The following AAK1 variants were observed in gnomAD, a reference collection of about 807,000 sequenced individuals.
The protein encoded by AAK1 is AP2 associated kinase 1, also known as AP2-associated protein kinase 1.
A neutral mutation model predicts 116.0 loss-of-function variants in AAK1; 37 were observed. The observed-to-expected ratio is 0.32, with a 90% CI of 0.25 to 0.42. The LOEUF (loss-of-function observed/expected upper bound fraction) is 0.42, where lower values mean the gene tolerates loss of function less well. Ranked by LOEUF, AAK1 falls within the 10% of genes least tolerant of loss-of-function variation. The pLI, the probability that AAK1 is intolerant of heterozygous loss-of-function variation, is 1.00. For synonymous variants in AAK1, 458 were observed against 439.9 expected, an observed-to-expected ratio of 1.04 and a Z score of -0.51; for missense variants, 919 against 1,170.6, an observed-to-expected ratio of 0.79 and a Z score of 3.14.
chr2:69,482,872 G>T, intron 17 of AAK1, 60 bp from the exon 18 acceptor site: 2 of 1,030,972 alleles, frequency 1.9e-6, no homozygotes, highest in Non-Finnish European at 3.0e-6. Flanking sequence ...AAAGCCAGCG[G>T]ATCATTCACT....
intron 2 of AAK1, among the ~76,000 whole-genome samples, chr2:69,571,333 G>A (rs1227844362): frequency 2.0e-5 from 3 of 152,172 alleles, no homozygotes; most frequent in Admixed American, 2.0e-4. Context: ...CTAGGCTGAT[G>A]GCTGCTACTG....
chr2:69,640,053 A>ACTCTCTCTCTCTCTCTCTCTCTCT (rs1177010194), intron 2 of AAK1, among the ~76,000 whole-genome samples: 2 of 92,738 alleles, frequency 2.2e-5, no homozygotes, highest in Admixed American at 1.0e-4. Flanking sequence ...ACACACACAC[A>ACTCTCTCTCTCTCTCTCTCTCTCT]CTCTCTCTCT....
chr2:69,502,605 G>A (rs557034057), intron 16 of AAK1, among the ~76,000 whole-genome samples: 1 of 152,146 alleles, frequency 6.6e-6, no homozygotes, highest in Non-Finnish European at 1.5e-5. Context: ...TGGGCAACAA[G>A]AGCAGAACTG....
intron 2 of AAK1, among the ~76,000 whole-genome samples, chr2:69,576,331 GT>G (rs372589562): frequency 0.026 from 3,934 of 149,618 alleles, 144 homozygotes; most frequent in African/African-American, 0.088. Context: ...TATGCTTGAG[GT>G]TTTTTTTTTC....
chr2:69,514,360 G>A (rs1676502358), intron 13 of AAK1, 111 bp downstream of exon 13: 2 of 1,388,352 alleles, frequency 1.4e-6, no homozygotes, highest in South Asian at 3.0e-5. Flanking sequence ...CACCCAGGTG[G>A]GAAAGCAACC....
At chr2:69,575,629 G>A (rs541054117) in intron 2 of AAK1, among the ~76,000 whole-genome samples, 27 of 152,030 alleles carry the variant, frequency 1.8e-4, no homozygotes, top group East Asian at 7.7e-4. Context: ...CCAACATGTC[G>A]GCTAATTTTT....
intron 2 of AAK1, among the ~76,000 whole-genome samples, chr2:69,625,567 T>C (rs1183347352): frequency 1.3e-5 from 2 of 152,176 alleles, no homozygotes; most frequent in Non-Finnish European, 2.9e-5. Flanking sequence ...TGGACGGAAC[T>C]GGGAAGCAAT....
At chr2:69,526,868 G>C (rs1307236436) in intron 9 of AAK1, among the ~76,000 whole-genome samples, 1 of 152,196 alleles carries the variant, frequency 6.6e-6, no homozygotes, top group Non-Finnish European at 1.5e-5. Context: ...ATTGCCTCGG[G>C]AAAGTAGCCT....
At chr2:69,574,291 A>C (rs972794080) in intron 2 of AAK1, among the ~76,000 whole-genome samples, 1 of 150,016 alleles carries the variant, frequency 6.7e-6, no homozygotes, top group African/African-American at 2.5e-5. Flanking sequence ...GAATTGCTTG[A>C]ATCTTGAATC....
intron 2 of AAK1, among the ~76,000 whole-genome samples, chr2:69,561,881 C>G (rs1671658670): frequency 6.6e-6 from 1 of 152,226 alleles, no homozygotes. Flanking sequence ...CGCAGCATAA[C>G]ATTTCTGAGA....
chr2:69,500,698 TACACACACACACAC>T (rs563907265), intron 16 of AAK1, among the ~76,000 whole-genome samples: 63 of 65,098 alleles, frequency 9.7e-4, no homozygotes, highest in Non-Finnish European at 1.5e-3. Context: ...TATATATATA[TACACACACACACAC>T]ACACACACAC....
intron 16 of AAK1, among the ~76,000 whole-genome samples, chr2:69,502,893 G>A (rs1249959122): frequency 1.3e-5 from 2 of 152,076 alleles, no homozygotes; most frequent in African/African-American, 2.4e-5. Context: ...ATATTTATAT[G>A]GTGAAAAATT....
intron 5 of AAK1, among the ~76,000 whole-genome samples, chr2:69,538,786 G>A (rs1422147595): frequency 6.6e-6 from 1 of 152,190 alleles, no homozygotes; most frequent in Admixed American, 6.5e-5. Context: ...GGAGGCTGAG[G>A]CATGAGAATC....
At chr2:69,584,254 A>G (rs1363699945) in intron 2 of AAK1, among the ~76,000 whole-genome samples, 2 of 152,216 alleles carry the variant, frequency 1.3e-5, no homozygotes, top group African/African-American at 4.8e-5. Flanking sequence ...GTGACTCCTA[A>G]GCAGATGGCA....
At chr2:69,527,064 T>C (rs1010621385) in intron 9 of AAK1, among the ~76,000 whole-genome samples, 152 bp downstream of exon 9, 3 of 152,204 alleles carry the variant, frequency 2.0e-5, no homozygotes, top group Non-Finnish European at 4.4e-5. Context: ...ATTCCCTTTA[T>C]GGCAACTGCT....
intron 2 of AAK1, among the ~76,000 whole-genome samples, chr2:69,574,741 C>T (rs1421700319): frequency 1.3e-5 from 2 of 151,934 alleles, no homozygotes. Flanking sequence ...GAGGCTGAGG[C>T]GAGAGGATTT....
chr2:69,531,376 C>A (rs1430926500), intron 6 of AAK1, among the ~76,000 whole-genome samples: 1 of 152,106 alleles, frequency 6.6e-6, no homozygotes, highest in Non-Finnish European at 1.5e-5. Flanking sequence ...GCATGGTTGT[C>A]TGGGGTGACG....
chr2:69,610,826 C>T (rs1206199607), intron 2 of AAK1, among the ~76,000 whole-genome samples: 1 of 152,192 alleles, frequency 6.6e-6, no homozygotes, highest in Admixed American at 6.5e-5. Context: ...TATCATTTCA[C>T]ACCCACTAGG....
intron 17 of AAK1, among the ~76,000 whole-genome samples, chr2:69,489,450 C>A (rs1292812602): frequency 3.3e-3 from 387 of 118,922 alleles, no homozygotes; most frequent in South Asian, 5.3e-3. Context: ...GACTCCGTCT[C>A]AAAAAAAAAA....
Sources: gnomAD v4.1 joint callset for allele counts (sites outside exome capture counted in the v4.1 genomes callset) on GRCh38, gnomAD v4.1.1 for gene constraint, MANE v1.5 for transcripts, NCBI Gene and HGNC (gene_info 2026-07-23, HGNC 2026-07-21) for gene names.